Variants in RABIF observed in about 807,000 individuals in gnomAD.
The protein encoded by RABIF is guanine nucleotide exchange factor MSS4.
A neutral mutation model predicts 12.3 loss-of-function variants in RABIF; 13 were observed. That is an observed-to-expected ratio of 1.06 (90% CI 0.69 to 1.68). The LOEUF (loss-of-function observed/expected upper bound fraction) is 1.68. Ranked by LOEUF, RABIF falls within the 40% of genes most tolerant of loss-of-function variation. RABIF has a pLI of 0.00. For synonymous variants in RABIF, 70 were observed against 63.3 expected (o/e 1.11, Z -0.50); for missense variants, 153 against 158.0 (o/e 0.97, Z 0.17).
chr1:202,884,914 C>T (rs937191906), intron 1 of RABIF, among the ~76,000 whole-genome samples: 1 of 151,770 alleles, frequency 6.6e-6, no homozygotes, highest in Non-Finnish European at 1.5e-5. Flanking sequence ...GCGAAACCCC[C>T]ATCTCTACTA....
intron 1 of RABIF, among the ~76,000 whole-genome samples, chr1:202,887,167 AC>A (rs1032230482): frequency 6.6e-6 from 1 of 151,912 alleles, no homozygotes; most frequent in Non-Finnish European, 1.5e-5. Flanking sequence ...ATGGGAACTA[AC>A]CTATATTATG....
chr1:202,886,730 GT>G lies in RABIF; in HGVS notation c.126+2242del, dbSNP rs1436210152. On this transcript the variant is annotated intron_variant, in intron 1 of 1. Coordinates refer to ENST00000367262, the MANE Select transcript of RABIF (RefSeq NM_002871.5). ...TGAGCAATACAGTGAGCGCGTCTATGTTTTTTTCTTTTTTCTTTTTTTTTTT... is the reference window on the plus strand; with the variant it reads ...TGAGCAATACAGTGAGCGCGTCTATGTTTTTTCTTTTTTCTTTTTTTTTTT... Among the ~76,000 whole-genome samples, 807 of 121,450 alleles carry G rather than the reference GT, an allele frequency of 6.6e-3. 9 individuals carry two copies. Among genetic ancestry groups the G allele is most frequent in the African/African-American group, 0.022 (771 of 35,810 alleles). 79.7% of individuals were successfully genotyped at this position (121,450 alleles called of 152,430 possible).
At position 202,880,847 on chromosome 1, in the gene RABIF, G is replaced by A; in HGVS notation, c.*131C>T. The A allele has an allele frequency of 2.0e-6, 3 of 1,490,548 alleles. No homozygotes were observed. In the South Asian group the frequency reaches 4.2e-5, roughly 21 times the overall value. 92.3% of individuals were successfully genotyped at this position (1,490,548 alleles called of 1,614,324 possible). A position where few individuals can be genotyped will look rare whatever the true frequency, so the allele number is the denominator to read the frequency against. ...GATTAACCCTCTGCATGTTCAAATG[G>A]ACATGCTGGTACTCAGTATTTATAT... On this transcript the variant is annotated 3_prime_UTR_variant, in exon 2 of 2. Coordinates refer to ENST00000367262, the MANE Select transcript of RABIF (RefSeq NM_002871.5).
chr1:202,879,502 T>G lies in RABIF; in HGVS notation c.*1476A>C, dbSNP rs1050683459. 1 of 152,236 alleles carries G rather than the reference T, an allele frequency of 6.6e-6. No homozygotes were observed. Among genetic ancestry groups the G allele is most frequent in the South Asian group, 2.1e-4 (1 of 4,830 alleles). 9.4% of individuals were successfully genotyped at this position (152,236 alleles called of 1,614,324 possible). On this transcript the variant is annotated 3_prime_UTR_variant, in exon 2 of 2. Coordinates refer to ENST00000367262, the MANE Select transcript of RABIF (RefSeq NM_002871.5). Reference sequence around the variant, plus strand: ...ACTTGGGTTTTGCTCCTGACTTGTGTGGATAACTCTGTTTTTCTGCACATG... The same window carrying G: ...ACTTGGGTTTTGCTCCTGACTTGTGGGGATAACTCTGTTTTTCTGCACATG...
rs1659470663 is a variant in RABIF at position 202,880,398 on chromosome 1, CTCAA to C, written c.*576_*579del. On this transcript the variant is annotated 3_prime_UTR_variant, in exon 2 of 2. Transcript: ENST00000367262. ...TCATTCTCAACCTAGAGCAGAGGTG[CTCAA>C]ACATGGTATTAGAGATGCATCCAAA... The C allele has an allele frequency of 6.5e-6, 1 of 152,848 alleles. No individual in the cohort carries two copies. Among genetic ancestry groups the C allele is most frequent in the Non-Finnish European group, 1.5e-5 (1 of 68,220 alleles). 9.5% of individuals were successfully genotyped at this position (152,848 alleles called of 1,614,324 possible). A position where few individuals can be genotyped will look rare whatever the true frequency, so the allele number is the denominator to read the frequency against.
chr1:202,888,890 G>A, intron 1 of RABIF, 83 bp downstream of exon 1: 1 of 1,423,268 alleles, frequency 7.0e-7, no homozygotes, highest in Non-Finnish European at 9.2e-7. Context: ...GCCGGAAATT[G>A]AAGAGCCGGG....
At chr1:202,886,369 G>A (rs1251882284) in intron 1 of RABIF, among the ~76,000 whole-genome samples, 1 of 150,840 alleles carries the variant, frequency 6.6e-6, no homozygotes, top group African/African-American at 2.4e-5. Context: ...CAGAAGGTAG[G>A]TCCTGCCGGG....
At chr1:202,888,849 G>C in intron 1 of RABIF, 124 bp downstream of exon 1, 1 of 1,319,902 alleles carries the variant, frequency 7.6e-7, no homozygotes, top group South Asian at 1.7e-5. Flanking sequence ...CCGAGGGGCG[G>C]GGCTTAAGGC....
Position 202,889,123 on chromosome 1 carries a change from A to G in RABIF, c.-25T>C. ...TCGCCGCTGCCGCCACAGGCTCCTC[A>G]GCCACGGCTGCGCAGACGCTGTCTC... On this transcript the variant is annotated 5_prime_UTR_variant, in exon 1 of 2. Coordinates refer to ENST00000367262, the MANE Select transcript of RABIF (RefSeq NM_002871.5). 1 of 1,593,880 alleles carries G rather than the reference A, an allele frequency of 6.3e-7. No individual in the cohort carries two copies. Among genetic ancestry groups the G allele is most frequent in the Non-Finnish European group, 8.5e-7 (1 of 1,170,072 alleles).
chr1:202,885,994 TTTAAAA>T (rs1659555420), intron 1 of RABIF, among the ~76,000 whole-genome samples: 1 of 151,464 alleles, frequency 6.6e-6, no homozygotes, highest in African/African-American at 2.4e-5. Context: ...TTTTTGCCTT[TTTAAAA>T]GAGGGAAAAC....
intron 1 of RABIF, among the ~76,000 whole-genome samples, chr1:202,885,102 A>AG (rs1659541795): frequency 3.0e-5 from 1 of 33,132 alleles, no homozygotes; most frequent in East Asian, 4.3e-4. Flanking sequence ...AAAAAAAAAA[A>AG]AAAAAAAAAA....
At chr1:202,888,654 G>A (rs1451237822) in intron 1 of RABIF, among the ~76,000 whole-genome samples, 1 of 152,202 alleles carries the variant, frequency 6.6e-6, no homozygotes, top group Non-Finnish European at 1.5e-5. Context: ...CGCCCGCGGA[G>A]CACCGGCCTT....
intron 1 of RABIF, among the ~76,000 whole-genome samples, chr1:202,888,713 G>C (rs1243243108): frequency 2.0e-5 from 3 of 152,194 alleles, no homozygotes; most frequent in Non-Finnish European, 4.4e-5. Context: ...CCCGGGGGCA[G>C]AGGGCCGGGC....
chr1:202,884,086 C>T (rs1196582410), intron 1 of RABIF, among the ~76,000 whole-genome samples: 1 of 152,146 alleles, frequency 6.6e-6, no homozygotes, highest in Non-Finnish European at 1.5e-5. Flanking sequence ...AGTGAGATCT[C>T]TGACCAGATG....
intron 1 of RABIF, among the ~76,000 whole-genome samples, chr1:202,885,086 CAAA>C (rs113531957): frequency 1.7e-4 from 21 of 120,632 alleles, no homozygotes; most frequent in African/African-American, 5.5e-4. Flanking sequence ...GACTCTATCT[CAAA>C]AAAAAAAAAA....
Position 202,880,977 on chromosome 1 carries a change from G to T in RABIF, c.*1C>A, listed in dbSNP as rs1054058101. 2 of 1,613,694 alleles carry T rather than the reference G, an allele frequency of 1.2e-6. No homozygotes were observed. Among genetic ancestry groups the T allele is most frequent in the African/African-American group, 2.7e-5 (2 of 74,904 alleles). ...ATGGAGCTGAGTACCCCTCCCCTCA[G>T]TTACTCATGGGAAACTCGTTCCAAG... On this transcript the variant is annotated 3_prime_UTR_variant, in exon 2 of 2. Coordinates refer to ENST00000367262, the MANE Select transcript of RABIF (RefSeq NM_002871.5).
intron 1 of RABIF, among the ~76,000 whole-genome samples, chr1:202,888,119 G>A (rs1659589491): frequency 6.6e-6 from 1 of 152,126 alleles, no homozygotes; most frequent in African/African-American, 2.4e-5. Flanking sequence ...GTTCAAGCAC[G>A]TGAAATAATA....
chr1:202,886,466 A>G (rs1441247738), intron 1 of RABIF, among the ~76,000 whole-genome samples: 1 of 152,048 alleles, frequency 6.6e-6, no homozygotes, highest in Non-Finnish European at 1.5e-5. Flanking sequence ...TGCACCTGTA[A>G]TCCCAGCTAC....
intron 1 of RABIF, among the ~76,000 whole-genome samples, chr1:202,886,745 C>CT (rs71142572): frequency 0.19 from 27,388 of 146,696 alleles, 3,235 homozygotes; most frequent in East Asian, 0.51. Context: ...TTTCTTTTTT[C>CT]TTTTTTTTTT....
Sources: allele counts gnomAD v4.1 joint callset (sites outside exome capture counted in the v4.1 genomes callset), GRCh38; gene constraint gnomAD v4.1.1; transcripts MANE v1.5; gene names NCBI Gene and HGNC (gene_info 2026-07-23, HGNC 2026-07-21).